TRAF1: variants seen among roughly 807,000 people sequenced by gnomAD.
TRAF1 encodes TNF receptor-associated factor 1.
TRAF1 carries 23 observed loss-of-function variants against 40.9 expected under a neutral mutation model. That is an observed-to-expected ratio of 0.56 (90% CI 0.40 to 0.80). The LOEUF (loss-of-function observed/expected upper bound fraction) is 0.80. TRAF1 is among the 30% of genes least tolerant of loss of function. The pLI, the probability that TRAF1 is intolerant of heterozygous loss-of-function variation, is 0.00. For synonymous variants in TRAF1, 206 were observed against 218.8 expected (o/e 0.94, Z 0.52); for missense variants, 477 against 528.7 (o/e 0.90, Z 0.96).
intron 4 of TRAF1, 26 bp downstream of exon 4, chr9:120,914,209 C>A (rs753798720): frequency 6.7e-7 from 1 of 1,487,494 alleles, no homozygotes; most frequent in Non-Finnish European, 9.0e-7. Flanking sequence ...GTGGATAGAT[C>A]TCCTTTCTCA....
At chr9:120,905,642 A>G (rs550576031) in intron 7 of TRAF1, among the ~76,000 whole-genome samples, 37 of 152,324 alleles carry the variant, frequency 2.4e-4, no homozygotes, top group African/African-American at 8.9e-4. Flanking sequence ...TGCTTCATCA[A>G]CTACAGCTGG....
At chr9:120,907,458 C>T (rs1215430402) in intron 7 of TRAF1, among the ~76,000 whole-genome samples, 3 of 152,206 alleles carry the variant, frequency 2.0e-5, no homozygotes, top group Non-Finnish European at 2.9e-5. Context: ...CATAAGTTTT[C>T]AACTCCTCTA....
In TRAF1 at chr9:120,904,943, G is replaced by A. The variant is rs1221815637; in HGVS notation, c.*77C>T. The A allele has an allele frequency of 4.6e-5, 66 of 1,420,178 alleles. No homozygotes were observed. Among genetic ancestry groups the A allele is most frequent in the Non-Finnish European group, 6.0e-5 (62 of 1,035,904 alleles). The allele number at this position is 1,420,178 out of a possible 1,614,324, so 88.0% of individuals were successfully genotyped here. A position where few individuals can be genotyped will look rare whatever the true frequency, so the allele number is the denominator to read the frequency against. On this transcript the variant is annotated 3_prime_UTR_variant, in exon 8 of 8. Coordinates refer to ENST00000373887, the MANE Select transcript of TRAF1 (RefSeq NM_005658.5). ...CCCATCTTTGTGCCCTGAGGTCTTG[G>A]GTGCCAAGGGCAGGGCATCACAGTC... is the stretch of plus-strand genomic sequence containing the variant.
At chr9:120,921,149 C>A (rs1411331028) in intron 3 of TRAF1, among the ~76,000 whole-genome samples, 1 of 152,072 alleles carries the variant, frequency 6.6e-6, no homozygotes, top group African/African-American at 2.4e-5. Context: ...CTTCTTTGCT[C>A]CCAAATACAG....
chr9:120,914,574 C>A, intron 3 of TRAF1: 1 of 1,111,270 alleles, frequency 9.0e-7, no homozygotes, highest in Non-Finnish European at 1.1e-6. Flanking sequence ...GTAATCATCA[C>A]TCACTCTCTG....
chr9:120,917,220 G>A (rs192792107), intron 3 of TRAF1, among the ~76,000 whole-genome samples: 1 of 152,280 alleles, frequency 6.6e-6, no homozygotes, highest in East Asian at 1.9e-4. Flanking sequence ...ACAGTTGCTG[G>A]AGAAAGGGGC....
At chr9:120,908,980 G>A (rs2046504328) in intron 7 of TRAF1, among the ~76,000 whole-genome samples, 1 of 152,136 alleles carries the variant, frequency 6.6e-6, no homozygotes, top group South Asian at 2.1e-4. Flanking sequence ...ACAGGTGTGG[G>A]GCACTGCACC....
At chr9:120,922,295 T>A (rs2046610695) in intron 3 of TRAF1, among the ~76,000 whole-genome samples, 1 of 152,244 alleles carries the variant, frequency 6.6e-6, no homozygotes, top group South Asian at 2.1e-4. Context: ...GTCATCTTTT[T>A]AATTTTACTT....
At chr9:120,916,279 C>T (rs924762636) in intron 3 of TRAF1, among the ~76,000 whole-genome samples, 2 of 152,160 alleles carry the variant, frequency 1.3e-5, no homozygotes, top group Non-Finnish European at 2.9e-5. Flanking sequence ...TCAGTGGTTG[C>T]CTCCTGGAGC....
At chr9:120,915,352 T>C (rs1244219552) in intron 3 of TRAF1, among the ~76,000 whole-genome samples, 1 of 152,206 alleles carries the variant, frequency 6.6e-6, no homozygotes, top group East Asian at 1.9e-4. Flanking sequence ...AGTACGTGTG[T>C]ATCTAAATAT....
intron 3 of TRAF1, among the ~76,000 whole-genome samples, chr9:120,919,960 C>T (rs2046594225): frequency 6.6e-6 from 1 of 152,162 alleles, no homozygotes; most frequent in African/African-American, 2.4e-5. Context: ...GGTCCAGGCA[C>T]ACCTCCTCAT....
chr9:120,925,744 C>A (rs1254202478), intron 2 of TRAF1, among the ~76,000 whole-genome samples, 192 bp downstream of exon 2: 1 of 152,232 alleles, frequency 6.6e-6, no homozygotes, highest in East Asian at 1.9e-4. Flanking sequence ...TGATGCCTTT[C>A]TGTGGCTTCC....
At chr9:120,915,321 T>C (rs1307992152) in intron 3 of TRAF1, among the ~76,000 whole-genome samples, 1 of 152,190 alleles carries the variant, frequency 6.6e-6, no homozygotes, top group Non-Finnish European at 1.5e-5. Flanking sequence ...CTGAATACTG[T>C]AGGCAATTGT....
At chr9:120,911,549 C>T (rs1403974323) in intron 5 of TRAF1, 36 bp from the exon 6 acceptor site, 45 of 1,591,874 alleles carry the variant, frequency 2.8e-5, no homozygotes, top group Non-Finnish European at 3.8e-5. Flanking sequence ...AACACCAGAA[C>T]CCGGCTTGGG....
chr9:120,908,397 A>C (rs1050403050), intron 7 of TRAF1, among the ~76,000 whole-genome samples: 5 of 149,110 alleles, frequency 3.4e-5, no homozygotes, highest in Non-Finnish European at 7.4e-5. Flanking sequence ...TAAAACAACC[A>C]GTCTCTCTTC....
chr9:120,906,061 C>G (rs1029088749), intron 7 of TRAF1, among the ~76,000 whole-genome samples: 31 of 152,180 alleles, frequency 2.0e-4, no homozygotes, highest in African/African-American at 6.5e-4. Context: ...CCTGCCCCAC[C>G]TGTTTCCCCA....
intron 2 of TRAF1, 137 bp downstream of exon 2, chr9:120,925,799 A>G: frequency 7.9e-7 from 1 of 1,259,848 alleles, no homozygotes; most frequent in Non-Finnish European, 1.1e-6. Context: ...GGAGTGTGAG[A>G]AAAGGGTGTG....
At chr9:120,907,114 G>A (rs1001636634) in intron 7 of TRAF1, among the ~76,000 whole-genome samples, 4 of 152,078 alleles carry the variant, frequency 2.6e-5, no homozygotes, top group Non-Finnish European at 5.9e-5. Flanking sequence ...CACCTGCCTC[G>A]GCCTCCCAAA....
At chr9:120,924,189 T>G (rs1372268150) in intron 2 of TRAF1, among the ~76,000 whole-genome samples, 1 of 152,184 alleles carries the variant, frequency 6.6e-6, no homozygotes, top group Non-Finnish European at 1.5e-5. Context: ...ACATCTGATC[T>G]CAGGGGTTTA....
Sources: allele counts gnomAD v4.1 joint callset (sites outside exome capture counted in the v4.1 genomes callset), GRCh38; gene constraint gnomAD v4.1.1; transcripts MANE v1.5; gene names NCBI Gene and HGNC (gene_info 2026-07-23, HGNC 2026-07-21).